Variants in ERH observed in about 807,000 individuals in gnomAD.
ERH encodes ERH mRNA splicing and mitosis factor.
A neutral mutation model predicts 16.8 loss-of-function variants in ERH; 1 was observed. The observed-to-expected ratio is 0.06, with a 90% CI of 0.02 to 0.28. The LOEUF is 0.28. ERH is among the 10% of genes least tolerant of loss of function. The pLI is 1.00. For synonymous variants in ERH, 43 were observed against 43.6 expected (o/e 0.99, Z 0.05); for missense variants, 42 against 127.5 (o/e 0.33, Z 3.23).
intron 3 of ERH, among the ~76,000 whole-genome samples, chr14:69,385,605 C>A (rs2045886936): frequency 6.6e-6 from 1 of 151,334 alleles, no homozygotes; most frequent in Non-Finnish European, 1.5e-5. Context: ...CAGCTACAAC[C>A]CCATTTTTCT....
rs115175241 is a variant in ERH, at chr14:69,383,781, G to T, written c.213-3141C>A. ...GTAATAATTAAAGCTTTCCCCCTAT[G>T]TTGCTTTAATATAGCAAATATTGTA... is the stretch of plus-strand genomic sequence containing the variant. On this transcript the variant is annotated intron_variant, in intron 3 of 3. Coordinates refer to ENST00000557016, the MANE Select transcript of ERH (RefSeq NM_004450.3). Among the ~76,000 whole-genome samples, 476 of 152,264 alleles carry T rather than the reference G, an allele frequency of 3.1e-3. 4 individuals are homozygous for T. The highest frequency in any genetic ancestry group is 0.011 in the African/African-American group (462 of 41,538).
Position 69,389,494 on chromosome 14 carries a change from C to G in ERH, c.92-2411G>C, listed in dbSNP as rs147698007. ...CCTTCAGATTGGAAAGGAAGAAGTA[C>G]AGCCATCATTATTTGCAGATGACAT... On this transcript the variant is annotated intron_variant, in intron 2 of 3. Transcript: ENST00000557016. Among the ~76,000 whole-genome samples the G allele has an allele frequency of 3.1e-3, 479 of 152,222 alleles. 4 individuals are homozygous for G. Among genetic ancestry groups the G allele is most frequent in the African/African-American group, 0.011 (465 of 41,536 alleles).
At chr14:69,382,789 C>CAAAAAAAAAAAAAAAAAAA (rs1278831093) in intron 3 of ERH, among the ~76,000 whole-genome samples, 5 of 103,134 alleles carry the variant, frequency 4.8e-5, no homozygotes, top group African/African-American at 1.9e-4. Flanking sequence ...ACTCTATCTC[C>CAAAAAAAAAAAAAAAAAAA]AAAAGAAAAA....
rs115314018 is a variant in ERH, at chr14:69,391,098, C to T, written c.91+3727G>A. Among the ~76,000 whole-genome samples the T allele has an allele frequency of 3.1e-3, 478 of 152,298 alleles. 3 individuals carry two copies. Among genetic ancestry groups the T allele is most frequent in the African/African-American group, 0.011 (464 of 41,548 alleles). On this transcript the variant is annotated intron_variant, in intron 2 of 3. Transcript: ENST00000557016. ...TCTGACAAAGCTAAACATACTTGTA[C>T]CACATAATCTAGCAATCACTCTCCT...
At chr14:69,385,727 C>A (rs574945119) in intron 3 of ERH, among the ~76,000 whole-genome samples, 1 of 151,700 alleles carries the variant, frequency 6.6e-6, no homozygotes, top group Non-Finnish European at 1.5e-5. Flanking sequence ...ACACTGAAAT[C>A]TGTAAGCATT....
At chr14:69,386,778 T>A (rs1180128619) in intron 3 of ERH, 185 bp downstream of exon 3, 1 of 492,052 alleles carries the variant, frequency 2.0e-6, no homozygotes, top group Non-Finnish European at 3.4e-6. Context: ...GTTATTTTTT[T>A]CTGTGCCTTT....
intron 3 of ERH, among the ~76,000 whole-genome samples, chr14:69,384,250 A>C (rs1317632803): frequency 6.6e-6 from 1 of 152,240 alleles, no homozygotes; most frequent in Non-Finnish European, 1.5e-5. Flanking sequence ...TGACTTCTTC[A>C]ATCTAGTTGA....
intron 1 of ERH, among the ~76,000 whole-genome samples, chr14:69,396,885 C>G (rs1002041291): frequency 2.6e-5 from 4 of 152,196 alleles, no homozygotes; most frequent in African/African-American, 9.7e-5. Flanking sequence ...TGTAAGCTAG[C>G]TACTCAAAAA....
At chr14:69,388,556 T>C (rs1179095730) in intron 2 of ERH, among the ~76,000 whole-genome samples, 1 of 152,054 alleles carries the variant, frequency 6.6e-6, no homozygotes, top group East Asian at 1.9e-4. Flanking sequence ...GAGACGGGGT[T>C]TTACCATGTT....
chr14:69,391,509 A>G (rs1488283399), intron 2 of ERH, among the ~76,000 whole-genome samples: 1 of 151,844 alleles, frequency 6.6e-6, no homozygotes, highest in African/African-American at 2.4e-5. Context: ...GTAGCCAGGC[A>G]TGGTGGCGCA....
chr14:69,383,511 T>G (rs567826751), intron 3 of ERH, among the ~76,000 whole-genome samples: 110 of 152,230 alleles, frequency 7.2e-4, no homozygotes, highest in Non-Finnish European at 1.4e-3. Context: ...CTCCTGAATA[T>G]TCAAAGAACA....
At chr14:69,385,812 T>G (rs1328813078) in intron 3 of ERH, among the ~76,000 whole-genome samples, 3 of 152,158 alleles carry the variant, frequency 2.0e-5, no homozygotes, top group Non-Finnish European at 2.9e-5. Context: ...AGGGGTCAAT[T>G]AAATTCTCAG....
Position 69,398,269 on chromosome 14 carries a change from A to C in ERH, c.-36T>G, listed in dbSNP as rs763399706. 3 of 1,612,266 alleles carry C rather than the reference A, an allele frequency of 1.9e-6. No individual in the cohort carries two copies. In the East Asian group the frequency reaches 6.7e-5, roughly 36 times the overall value. On this transcript the variant is annotated 5_prime_UTR_variant, in exon 1 of 4. Coordinates refer to ENST00000557016, the MANE Select transcript of ERH (RefSeq NM_004450.3). ...TCTCTTCGCTACAGCAGCTGCCGAC[A>C]CCGCCGCCGTTACACGAGCTTAACT... is the stretch of plus-strand genomic sequence containing the variant.
intron 1 of ERH, 119 bp from the exon 2 acceptor site, chr14:69,395,031 A>G: frequency 1.4e-6 from 1 of 731,166 alleles, no homozygotes; most frequent in Non-Finnish European, 2.3e-6. Context: ...GTAATTAGAG[A>G]GGCCAGGCAT....
chr14:69,397,692 G>C (rs1255747586), intron 1 of ERH, among the ~76,000 whole-genome samples: 1 of 152,214 alleles, frequency 6.6e-6, no homozygotes, highest in Non-Finnish European at 1.5e-5. Context: ...GCCGAGGCGG[G>C]TGGATTGCTT....
rs2140237042 is a variant in ERH, at chr14:69,398,293, C to T, written c.-60G>A. Reference sequence around the variant, plus strand: ...CACCGCCGCCGTTACACGAGCTTAACTACAACGCCGCTAACAGCCAATCCT... The same window carrying T: ...CACCGCCGCCGTTACACGAGCTTAATTACAACGCCGCTAACAGCCAATCCT... On this transcript the variant is annotated 5_prime_UTR_variant, in exon 1 of 4. Coordinates refer to ENST00000557016, the MANE Select transcript of ERH (RefSeq NM_004450.3). 1.2e-6 allele frequency: 2 copies of T among 1,612,628 alleles called. No homozygotes were observed. Among genetic ancestry groups the T allele is most frequent in the Admixed American group, 1.7e-5 (1 of 59,892 alleles).
At position 69,393,132 on chromosome 14, in the gene ERH, C is replaced by T. The variant is rs151307368; in HGVS notation, c.91+1693G>A. Among the ~76,000 whole-genome samples, 7 of 152,306 alleles carry T rather than the reference C, an allele frequency of 4.6e-5. 1 individual carries two copies. The East Asian group carries it at 1.2e-3, about 25-fold the overall frequency. On this transcript the variant is annotated intron_variant, in intron 2 of 3. Coordinates refer to ENST00000557016, the MANE Select transcript of ERH (RefSeq NM_004450.3). ...AGGAGTTCGGGACCAGCCTGGCCAA[C>T]GTGGCGAAACCCTGTCTTTACTAAA...
In ERH at chr14:69,395,054, C is replaced by T. The variant is rs182515331; in HGVS notation, c.4-142G>A. The T allele has an allele frequency of 1.6e-4, 105 of 643,622 alleles. No homozygotes were observed. The Middle Eastern group carries it at 3.4e-3, about 21-fold the overall frequency. 39.9% of individuals were successfully genotyped at this position (643,622 alleles called of 1,614,324 possible). Reference sequence around the variant, plus strand: ...AGAGGCCAGGCATGGCATCCCATGCCTATAATCCTCATCCTCTGGGAGGCT... The same window carrying T: ...AGAGGCCAGGCATGGCATCCCATGCTTATAATCCTCATCCTCTGGGAGGCT... On this transcript the variant is annotated intron_variant, in intron 1 of 3. Coordinates refer to ENST00000557016, the MANE Select transcript of ERH (RefSeq NM_004450.3).
intron 2 of ERH, among the ~76,000 whole-genome samples, chr14:69,388,835 T>C (rs2045907736): frequency 6.6e-6 from 1 of 152,188 alleles, no homozygotes; most frequent in Non-Finnish European, 1.5e-5. Context: ...CCAAATTAAC[T>C]TTATAAATTT....
Sources: gnomAD v4.1 joint callset for allele counts (sites outside exome capture counted in the v4.1 genomes callset) on GRCh38, gnomAD v4.1.1 for gene constraint, MANE v1.5 for transcripts, NCBI Gene and HGNC (gene_info 2026-07-23, HGNC 2026-07-21) for gene names.